The following AVEN variants were observed in gnomAD, a reference collection of about 807,000 sequenced individuals.
AVEN encodes the protein cell death regulator Aven.
Under a neutral mutation model 38.1 loss-of-function variants are expected in AVEN, and 41 were observed. The observed-to-expected ratio is 1.08, with a 90% CI of 0.84 to 1.40. The LOEUF (loss-of-function observed/expected upper bound fraction) is 1.40. AVEN is among the 40% of genes most tolerant of loss of function. The probability of loss-of-function intolerance (pLI) is 0.00; values close to 1 mark genes in which losing one functional copy is unlikely to be tolerated. For missense variants in AVEN, 605 were observed against 438.8 expected, an observed-to-expected ratio of 1.38 and a Z score of -3.38; for synonymous variants, 206 against 171.8, an observed-to-expected ratio of 1.20 and a Z score of -1.56.
intron 2 of AVEN, among the ~76,000 whole-genome samples, chr15:33,918,883 G>A (rs200571269): frequency 3.9e-4 from 59 of 151,202 alleles, no homozygotes; most frequent in African/African-American, 1.4e-3. Flanking sequence ...ACTGCCATCT[G>A]GTCATCAAAC....
At chr15:33,922,286 G>A (rs1224124338) in intron 2 of AVEN, among the ~76,000 whole-genome samples, 3 of 152,092 alleles carry the variant, frequency 2.0e-5, no homozygotes, top group Non-Finnish European at 4.4e-5. Flanking sequence ...CCTTAAATCT[G>A]GGCCCACAGC....
chr15:33,888,076 G>T (rs1304634191), intron 2 of AVEN, among the ~76,000 whole-genome samples: 1 of 151,916 alleles, frequency 6.6e-6, no homozygotes, highest in Non-Finnish European at 1.5e-5. Context: ...CTCCGTGACA[G>T]CAACAAAACC....
intron 2 of AVEN, among the ~76,000 whole-genome samples, chr15:33,897,122 C>A (rs1360281958): frequency 6.6e-6 from 1 of 152,042 alleles, no homozygotes; most frequent in African/African-American, 2.4e-5. Context: ...ACAAAATCCA[C>A]AAATCTATAG....
intron 2 of AVEN, among the ~76,000 whole-genome samples, chr15:33,879,591 G>C (rs985098356): frequency 6.6e-6 from 1 of 152,042 alleles, no homozygotes; most frequent in Non-Finnish European, 1.5e-5. Context: ...GCAATGTCTC[G>C]AAAATAATAA....
chr15:33,860,579 G>A lies in AVEN; in HGVS notation n.2730-1485C>T, dbSNP rs1329658311. The A allele has an allele frequency of 2.6e-6, 4 of 1,545,626 alleles. No individual in the cohort carries two copies. In the South Asian group the frequency reaches 4.8e-5, roughly 19 times the overall value. On this transcript the variant is annotated intron_variant and non_coding_transcript_variant, in intron 11 of 11. Transcript: ENST00000675287. ...CCACTACACAGATTGCTTTGTCTTT[G>A]TATTTAACATTCCAGGTCTTATTAT...
intron 2 of AVEN, among the ~76,000 whole-genome samples, chr15:33,904,450 C>T (rs916932801): frequency 2.0e-5 from 3 of 152,064 alleles, no homozygotes; most frequent in African/African-American, 4.8e-5. Context: ...TTGCTCTTGT[C>T]GCCCAGGCTG....
chr15:33,870,973 G>C lies in AVEN; in HGVS notation c.574C>G (p.Leu192Val). Residue 192 changes from leucine to valine, a missense_variant, in exon 4 of 6, where the codon CTC (leucine) becomes GTC (valine). By Grantham distance (32) the Leu-to-Val change is conservative. Coordinates refer to ENST00000306730, the MANE Select transcript of AVEN (RefSeq NM_020371.3). Reference sequence around the variant, plus strand: ...GCAGCAACGTTGAGTCGGAGGCAGAGAGGCAGCTCTTGAAGGGCTCGAACC... The same window carrying C: ...GCAGCAACGTTGAGTCGGAGGCAGACAGGCAGCTCTTGAAGGGCTCGAACC... ...LLVRALQELPLCLRLNVAAEL... is the reference protein window; with the variant it reads ...LLVRALQELPVCLRLNVAAEL... The C allele has an allele frequency of 1.2e-6, 2 of 1,611,618 alleles. No individual in the cohort carries two copies. The highest frequency in any genetic ancestry group is 1.7e-6 in the Non-Finnish European group (2 of 1,178,486).
upstream of AVEN, among the ~76,000 whole-genome samples, chr15:34,043,466 A>G (rs183758514): frequency 6.6e-6 from 1 of 152,204 alleles, no homozygotes. Context: ...TGGAAAACAC[A>G]TAAGTTTCTC....
chr15:33,861,249 A>G, downstream of AVEN: 1 of 1,136,374 alleles, frequency 8.8e-7, no homozygotes. Flanking sequence ...CATATAGTTC[A>G]GTCTCTGCTG....
At position 34,014,726 on chromosome 15, in the gene AVEN, T is replaced by TGG. The variant is rs1299615688; in HGVS notation, c.268-11518_268-11517insCC. On this transcript the variant is annotated intron_variant, in intron 1 of 5. Transcript: ENST00000306730. ...AGCGGGCCCATCTGGGAACAGCGGC[T>TGG]AAATATGTTGGGTCTACTCCAACAG... Among the ~76,000 whole-genome samples the TGG allele has an allele frequency of 2.6e-4, 40 of 152,110 alleles. 1 individual carries two copies. Among genetic ancestry groups the TGG allele is most frequent in the Admixed American group, 2.2e-3 (34 of 15,268 alleles).
At chr15:33,873,089 CTTTT>C (rs200085397) in intron 3 of AVEN, among the ~76,000 whole-genome samples, 6,361 of 137,778 alleles carry the variant, frequency 0.046, 227 homozygotes, top group African/African-American at 0.057. Context: ...TCTACTTTTC[CTTTT>C]CTTTTTTTTT....
intron 3 of AVEN, among the ~76,000 whole-genome samples, chr15:33,872,555 G>T (rs1021504668): frequency 1.8e-4 from 27 of 152,118 alleles, no homozygotes; most frequent in African/African-American, 6.5e-4. Context: ...GTGGCGTGGG[G>T]GGAGCCGGGA....
At chr15:34,055,983 G>A (rs1341044100) in intron 5 of AVEN, among the ~76,000 whole-genome samples, 1 of 152,106 alleles carries the variant, frequency 6.6e-6, no homozygotes, top group African/African-American at 2.4e-5. Flanking sequence ...CTCCCAAAGT[G>A]CTGGGATTAC....
chr15:33,892,864 G>A lies in AVEN; in HGVS notation c.446-16869C>T, dbSNP rs1375321121. On this transcript the variant is annotated intron_variant, in intron 2 of 5. Coordinates refer to ENST00000306730, the MANE Select transcript of AVEN (RefSeq NM_020371.3). ...TTCTTCCTACCCGTGGGCATGGAAC[G>A]TTCCTCCATTTGTTTGTGTCCTCTT... Among the ~76,000 whole-genome samples, 6 of 152,184 alleles carry A rather than the reference G, an allele frequency of 3.9e-5. No individual in the cohort carries two copies. In the South Asian group the frequency reaches 1.0e-3, roughly 26 times the overall value.
the AVEN span, chr15:33,853,762 C>T: frequency 6.5e-6 from 10 of 1,527,740 alleles, no homozygotes; most frequent in East Asian, 6.8e-5. Flanking sequence ...AAATCACAAC[C>T]GTGTCTTTGT....
chr15:33,866,231 C>G lies in AVEN; in HGVS notation c.*382G>C. ...CACAAGAAAGGAAAGGAAAACTGGA[C>G]AGACCAGCATTTGTTTATTTTGGCC... On this transcript the variant is annotated 3_prime_UTR_variant, in exon 6 of 6. Coordinates refer to ENST00000306730, the MANE Select transcript of AVEN (RefSeq NM_020371.3). 1 of 192,418 alleles carries G rather than the reference C, an allele frequency of 5.2e-6. No homozygotes were observed. Among genetic ancestry groups the G allele is most frequent in the South Asian group, 1.2e-4 (1 of 8,064 alleles). The allele number at this position is 192,418 out of a possible 1,614,324, so 11.9% of individuals were successfully genotyped here.
chr15:33,988,242 T>C (rs532178804), intron 2 of AVEN, among the ~76,000 whole-genome samples: 1 of 152,034 alleles, frequency 6.6e-6, no homozygotes, highest in East Asian at 1.9e-4. Context: ...ATAAACATAG[T>C]TTTTTTTAGT....
chr15:33,877,996 C>G (rs550468177), intron 2 of AVEN, among the ~76,000 whole-genome samples: 1 of 152,046 alleles, frequency 6.6e-6, no homozygotes, highest in African/African-American at 2.4e-5. Flanking sequence ...GAAAATATCT[C>G]ATTCATAATA....
intron 2 of AVEN, among the ~76,000 whole-genome samples, chr15:33,983,214 A>ATGTGTG (rs747006623): frequency 1.6e-4 from 9 of 58,050 alleles, no homozygotes; most frequent in East Asian, 9.9e-4. Flanking sequence ...ATATATATAT[A>ATGTGTG]CATATATATA....
Sources: allele counts gnomAD v4.1 joint callset (sites outside exome capture counted in the v4.1 genomes callset), GRCh38; gene constraint gnomAD v4.1.1; transcripts MANE v1.5; gene names NCBI Gene and HGNC (gene_info 2026-07-23, HGNC 2026-07-21).